Variants in TENM2 observed in about 807,000 individuals in gnomAD.
TENM2 encodes the protein teneurin transmembrane protein 2, also known as teneurin-2.
A neutral mutation model predicts 245.2 loss-of-function variants in TENM2; 52 were observed. The ratio of observed to expected loss-of-function variants is 0.21; its 90% confidence interval spans 0.17 to 0.27. TENM2 has a LOEUF of 0.27. TENM2 is among the 10% of genes least tolerant of loss of function. TENM2 has a pLI of 1.00. For missense variants in TENM2, 3,046 were observed against 3,666.8 expected, an observed-to-expected ratio of 0.83 and a Z score of 4.37; for synonymous variants, 1,363 against 1,438.9, an observed-to-expected ratio of 0.95 and a Z score of 1.19.
intron 3 of TENM2, among the ~76,000 whole-genome samples, chr5:167,885,930 G>C (rs901821717): frequency 2.0e-5 from 3 of 152,072 alleles, no homozygotes; most frequent in Non-Finnish European, 2.9e-5. Flanking sequence ...TGATCCACTC[G>C]CCTCGGCCTC....
At chr5:167,537,704 C>T (rs1025506309) in intron 2 of TENM2, among the ~76,000 whole-genome samples, 1 of 152,156 alleles carries the variant, frequency 6.6e-6, no homozygotes, top group Non-Finnish European at 1.5e-5. Flanking sequence ...TCCATCTTCC[C>T]AGGTATGAGG....
chr5:167,130,215 C>G, the TENM2 span, among the ~76,000 whole-genome samples: 2 of 152,024 alleles, frequency 1.3e-5, no homozygotes, highest in Admixed American at 1.3e-4. Context: ...AAGAATAATA[C>G]AAAAATTTTC....
At chr5:167,559,271 C>T (rs1441666555) in intron 2 of TENM2, among the ~76,000 whole-genome samples, 1 of 152,138 alleles carries the variant, frequency 6.6e-6, no homozygotes, top group African/African-American at 2.4e-5. Flanking sequence ...TCCGTTGTGT[C>T]CCCCTGCAAT....
chr5:167,473,273 CACTCTT>C (rs1426646030), intron 2 of TENM2, among the ~76,000 whole-genome samples: 1 of 152,112 alleles, frequency 6.6e-6, no homozygotes, highest in African/African-American at 2.4e-5. Context: ...CAAACATAAT[CACTCTT>C]ACTCTTATTG....
the TENM2 span, among the ~76,000 whole-genome samples, chr5:167,011,606 G>A: frequency 1.2e-4 from 19 of 152,330 alleles, no homozygotes; most frequent in Admixed American, 6.5e-4. Flanking sequence ...GTAGGAGACA[G>A]TCATTCAAAT....
chr5:167,584,807 G>A lies in TENM2; in HGVS notation c.502+209334G>A, dbSNP rs562169938. ...CCTCCTGGGTTCACGCCATTCTCCT[G>A]TCTCAGCCTCCCAAGTAGCTGGGAC... is the stretch of plus-strand genomic sequence containing the variant. On this transcript the variant is annotated intron_variant, in intron 2 of 28. Transcript: ENST00000518659. Among the ~76,000 whole-genome samples the A allele has an allele frequency of 2.6e-5, 4 of 151,060 alleles. No homozygotes were observed. The South Asian group carries it at 8.4e-4, about 32-fold the overall frequency.
chr5:168,213,937 T>C (rs1319631454), intron 20 of TENM2, among the ~76,000 whole-genome samples: 1 of 152,232 alleles, frequency 6.6e-6, no homozygotes, highest in Non-Finnish European at 1.5e-5. Flanking sequence ...GAGGTGCTGA[T>C]TGTAATAACC....
chr5:167,819,697 A>G (rs755149471), intron 2 of TENM2, among the ~76,000 whole-genome samples: 1 of 152,202 alleles, frequency 6.6e-6, no homozygotes, highest in Non-Finnish European at 1.5e-5. Flanking sequence ...TAACATGCCC[A>G]GCTCATAATG....
intron 2 of TENM2, among the ~76,000 whole-genome samples, chr5:167,831,663 C>T (rs989850826): frequency 6.6e-6 from 1 of 151,952 alleles, no homozygotes; most frequent in African/African-American, 2.4e-5. Context: ...AAATAAGAAC[C>T]TTGCGGACAG....
intron 2 of TENM2, among the ~76,000 whole-genome samples, chr5:167,872,548 G>GAAAGAAAGAGAAAGAA (rs1313191288): frequency 1.1e-3 from 70 of 65,292 alleles, no homozygotes; most frequent in Non-Finnish European, 2.1e-3. Flanking sequence ...AAGAAAGAAA[G>GAAAGAAAGAGAAAGAA]AGAAAGAAAG....
intron 9 of TENM2, among the ~76,000 whole-genome samples, chr5:168,106,273 T>G (rs1413157732): frequency 6.6e-6 from 1 of 152,154 alleles, no homozygotes; most frequent in African/African-American, 2.4e-5. Context: ...ATCTTGCCAT[T>G]TTTCTCCCGT....
the TENM2 span, among the ~76,000 whole-genome samples, chr5:167,038,150 C>A: frequency 3.9e-5 from 6 of 152,162 alleles, no homozygotes; most frequent in Admixed American, 3.9e-4. Flanking sequence ...ATGGGATCTG[C>A]AGTTGAGAAG....
intron 21 of TENM2, among the ~76,000 whole-genome samples, chr5:168,215,535 G>C (rs111461041): frequency 6.6e-6 from 1 of 152,140 alleles, no homozygotes; most frequent in Non-Finnish European, 1.5e-5. Context: ...CGGGCGTGGC[G>C]GTGGGCGCCT....
At chr5:166,989,714 T>C in the TENM2 span, among the ~76,000 whole-genome samples, 2,072 of 151,636 alleles carry the variant, frequency 0.014, 50 homozygotes, top group African/African-American at 0.048. Flanking sequence ...ATATTTACCA[T>C]TATTCCTTAT....
At chr5:168,250,170 GGGTAAA>G in intron 27 of TENM2, among the ~76,000 whole-genome samples, 1 of 141,840 alleles carries the variant, frequency 7.1e-6, no homozygotes, top group African/African-American at 2.7e-5. Context: ...ATGGATGGAT[GGGTAAA>G]TAGATGGATA....
chr5:167,815,264 T>C (rs1766955523), intron 2 of TENM2, among the ~76,000 whole-genome samples: 3 of 152,232 alleles, frequency 2.0e-5, no homozygotes, highest in African/African-American at 4.8e-5. Context: ...GAGTGGACGC[T>C]GCACTGGACT....
intron 1 of TENM2, among the ~76,000 whole-genome samples, chr5:167,333,338 G>T (rs2127795375): frequency 6.6e-6 from 1 of 152,256 alleles, no homozygotes; most frequent in East Asian, 1.9e-4. Context: ...TTTCTCAGCT[G>T]CAAAGTAAGC....
intron 6 of TENM2, among the ~76,000 whole-genome samples, chr5:168,050,163 G>T (rs1274487434): frequency 6.6e-6 from 1 of 152,056 alleles, no homozygotes; most frequent in Non-Finnish European, 1.5e-5. Context: ...GAATACTCAA[G>T]AAAAAAGTGT....
chr5:167,726,145 A>G (rs2150535652), intron 2 of TENM2, among the ~76,000 whole-genome samples: 1 of 152,318 alleles, frequency 6.6e-6, no homozygotes, highest in Non-Finnish European at 1.5e-5. Context: ...GCATAGAGCA[A>G]GTACTCAAGA....
Sources: gnomAD v4.1 joint callset for allele counts (sites outside exome capture counted in the v4.1 genomes callset) on GRCh38, gnomAD v4.1.1 for gene constraint, MANE v1.5 for transcripts, NCBI Gene and HGNC (gene_info 2026-07-23, HGNC 2026-07-21) for gene names.